ABCG2: variants seen among roughly 807,000 people sequenced by gnomAD.
ABCG2 encodes broad substrate specificity ATP-binding cassette transporter ABCG2.
ABCG2 carries 80 observed loss-of-function variants against 73.5 expected under a neutral mutation model. That is an observed-to-expected ratio of 1.09 (90% CI 0.91 to 1.31). ABCG2 has a LOEUF of 1.31. Ranked by LOEUF, ABCG2 falls within the 50% of genes most tolerant of loss-of-function variation. The pLI, the probability that ABCG2 is intolerant of heterozygous loss-of-function variation, is 0.00. For synonymous variants in ABCG2, 269 were observed against 282.4 expected, an observed-to-expected ratio of 0.95 and a Z score of 0.48; for missense variants, 796 against 786.2, an observed-to-expected ratio of 1.01 and a Z score of -0.15.
Position 88,092,360 on chromosome 4 carries a change from C to T in ABCG2, c.1842G>A (p.Leu614=), listed in dbSNP as rs1027869544. 3 of 1,610,722 alleles carry T rather than the reference C, an allele frequency of 1.9e-6. No individual in the cohort carries two copies. In the African/African-American group the frequency reaches 4.0e-5, roughly 22 times the overall value. ...NYATCTGEEY[L]VKQGIDLSPW... ...GTGAGAGATCGATGCCCTGCTTTAC[C>T]AAATATTCTTCGCCAGTACATCTGA... The change falls in exon 16 of 16, where the codon TTG becomes TTA. Residue 614 remains leucine (L), a synonymous_variant. Transcript: ENST00000237612.
intron 1 of ABCG2, among the ~76,000 whole-genome samples, chr4:88,173,530 G>A (rs2725260): frequency 0.99 from 151,213 of 152,318 alleles, 75,068 homozygotes; most frequent in Middle Eastern, 1. Flanking sequence ...AATTTTATTC[G>A]TAACTATTTT....
chr4:88,188,739 C>T (rs1009830087), intron 1 of ABCG2, among the ~76,000 whole-genome samples: 19 of 152,260 alleles, frequency 1.2e-4, no homozygotes, highest in East Asian at 1.2e-3. Flanking sequence ...TTCCAGGCTG[C>T]GCAGTGGCTC....
intron 1 of ABCG2, among the ~76,000 whole-genome samples, chr4:88,167,431 T>C (rs139362438): frequency 7.0e-6 from 1 of 143,112 alleles, no homozygotes; most frequent in East Asian, 2.0e-4. Flanking sequence ...TGGAGTACAG[T>C]GGCACAATCT....
chr4:88,176,647 A>ATTTT (rs35728226), intron 1 of ABCG2, among the ~76,000 whole-genome samples: 4 of 90,162 alleles, frequency 4.4e-5, no homozygotes, highest in South Asian at 3.9e-4. Flanking sequence ...CACCTGGCTA[A>ATTTT]TTTTTTTTTT....
chr4:88,171,250 T>A (rs1291335162), intron 1 of ABCG2, among the ~76,000 whole-genome samples: 5 of 139,008 alleles, frequency 3.6e-5, no homozygotes, highest in African/African-American at 1.4e-4. Context: ...CCTTCACATA[T>A]ACCCCTGAAC....
rs572457329 is a variant in ABCG2, at chr4:88,094,790, T to G, written c.1738-131A>C. 5 of 749,150 alleles carry G rather than the reference T, an allele frequency of 6.7e-6. 1 individual carries two copies. The South Asian group carries it at 9.0e-5, about 14-fold the overall frequency. The allele number at this position is 749,150 out of a possible 1,614,324, so 46.4% of individuals were successfully genotyped here. ...TCTAAAAACATATTCACAGTCTTTG[T>G]CTCACCAAACCAACTAATGTTATTT... On this transcript the variant is annotated intron_variant, in intron 14 of 15. Coordinates refer to ENST00000237612, the MANE Select transcript of ABCG2 (RefSeq NM_004827.3).
chr4:88,169,169 C>T (rs1727657755), intron 1 of ABCG2, among the ~76,000 whole-genome samples: 1 of 151,972 alleles, frequency 6.6e-6, no homozygotes, highest in African/African-American at 2.4e-5. Flanking sequence ...CCTCAGCCTC[C>T]TGAGTAGCTG....
intron 15 of ABCG2, 97 bp downstream of exon 15, chr4:88,094,480 G>T: frequency 9.9e-7 from 1 of 1,010,494 alleles, no homozygotes; most frequent in Non-Finnish European, 1.5e-6. Flanking sequence ...AAAATTCAGT[G>T]CCCCTGGAAG....
At chr4:88,181,354 C>T (rs758529887) in intron 1 of ABCG2, among the ~76,000 whole-genome samples, 3 of 142,220 alleles carry the variant, frequency 2.1e-5, no homozygotes, top group Admixed American at 7.4e-5. Flanking sequence ...GAGCCAAGAC[C>T]GTGCCACTGC....
At chr4:88,096,886 A>G (rs1722017676) in intron 13 of ABCG2, among the ~76,000 whole-genome samples, 1 of 152,214 alleles carries the variant, frequency 6.6e-6, no homozygotes, top group African/African-American at 2.4e-5. Flanking sequence ...AGGGAACCAA[A>G]ATAGACTACT....
At chr4:88,103,792 C>T (rs1722601413) in intron 10 of ABCG2, among the ~76,000 whole-genome samples, 1 of 152,180 alleles carries the variant, frequency 6.6e-6, no homozygotes, top group Admixed American at 6.5e-5. Context: ...TTTCAGATTC[C>T]ACATTAAGTG....
At chr4:88,186,997 G>C (rs576983232) in intron 1 of ABCG2, among the ~76,000 whole-genome samples, 167 of 150,064 alleles carry the variant, frequency 1.1e-3, no homozygotes, top group Non-Finnish European at 1.8e-3. Flanking sequence ...GGATGCTGAG[G>C]CAGGGAGAAT....
chr4:88,177,292 G>T (rs1240651130), intron 1 of ABCG2, among the ~76,000 whole-genome samples: 6 of 151,866 alleles, frequency 4.0e-5, no homozygotes, highest in South Asian at 2.1e-4. Flanking sequence ...GAGAATGGCG[G>T]GAACCCAGGA....
chr4:88,114,265 C>T (rs1175688504), intron 8 of ABCG2, among the ~76,000 whole-genome samples: 1 of 152,096 alleles, frequency 6.6e-6, no homozygotes, highest in South Asian at 2.1e-4. Flanking sequence ...AACAAACTGA[C>T]GTTTTCTATT....
intron 1 of ABCG2, among the ~76,000 whole-genome samples, chr4:88,204,637 A>G (rs1261009285): frequency 4.6e-5 from 7 of 152,216 alleles, no homozygotes; most frequent in African/African-American, 1.2e-4. Context: ...TCTTCAGTAT[A>G]TTTTAGATCC....
rs138982154 is a variant in ABCG2, at chr4:88,117,243, G to A, written c.841+866C>T. Among the ~76,000 whole-genome samples the A allele has an allele frequency of 4.8e-3, 728 of 152,044 alleles. 26 individuals carry two copies. Among genetic ancestry groups the A allele is most frequent in the Admixed American group, 0.038 (576 of 15,256 alleles). On this transcript the variant is annotated intron_variant, in intron 7 of 15. Coordinates refer to ENST00000237612, the MANE Select transcript of ABCG2 (RefSeq NM_004827.3). ...GGTGAGGTGGGAGGATGGCTTGAGCGCGGGGGGTTGAGGCTGCAGTGAGTC... is the reference window on the plus strand; with the variant it reads ...GGTGAGGTGGGAGGATGGCTTGAGCACGGGGGGTTGAGGCTGCAGTGAGTC...
chr4:88,181,575 A>G (rs970364781), intron 1 of ABCG2, among the ~76,000 whole-genome samples: 1 of 152,060 alleles, frequency 6.6e-6, no homozygotes, highest in African/African-American at 2.4e-5. Context: ...TACAAAAAAT[A>G]AAAGAAATAG....
chr4:88,113,117 A>C lies in ABCG2; in HGVS notation c.1194+186T>G, dbSNP rs377025729. Among the ~76,000 whole-genome samples, 61 of 152,300 alleles carry C rather than the reference A, an allele frequency of 4.0e-4. 2 individuals carry two copies. The South Asian group carries it at 0.012, about 29-fold the overall frequency. ...CAGAGTGAGACTCTGTCTCAAAAAA[A>C]GGGAAGCTTTCCAAAAGTAAAACTT... is the stretch of plus-strand genomic sequence containing the variant. On this transcript the variant is annotated intron_variant, in intron 9 of 15. Coordinates refer to ENST00000237612, the MANE Select transcript of ABCG2 (RefSeq NM_004827.3).
At position 88,092,139 on chromosome 4, in the gene ABCG2, A is replaced by C; in HGVS notation, c.*95T>G. On this transcript the variant is annotated 3_prime_UTR_variant, in exon 16 of 16. Transcript: ENST00000237612. ...GCTGCTGTGCAACAGTGTGATGGCAAGGGAACAGAAAACAACAAAAAAACT... is the reference window on the plus strand; with the variant it reads ...GCTGCTGTGCAACAGTGTGATGGCACGGGAACAGAAAACAACAAAAAAACT... 1 of 1,148,176 alleles carries C rather than the reference A, an allele frequency of 8.7e-7. No individual in the cohort carries two copies. Among genetic ancestry groups the C allele is most frequent in the Non-Finnish European group, 1.2e-6 (1 of 815,626 alleles). The allele number at this position is 1,148,176 out of a possible 1,614,324, so 71.1% of individuals were successfully genotyped here.
Sources: allele counts gnomAD v4.1 joint callset (sites outside exome capture counted in the v4.1 genomes callset), GRCh38; gene constraint gnomAD v4.1.1; transcripts MANE v1.5; gene names NCBI Gene and HGNC (gene_info 2026-07-23, HGNC 2026-07-21).